ANXA4: variants seen among roughly 807,000 people sequenced by gnomAD.
The protein encoded by ANXA4 is 35-beta calcimedin.
ANXA4 carries 39 observed loss-of-function variants against 49.8 expected under a neutral mutation model. The observed-to-expected ratio is 0.78, with a 90% CI of 0.61 to 1.02. ANXA4 has a LOEUF of 1.02. Ranked by LOEUF, ANXA4 falls within the 50% of genes least tolerant of loss-of-function variation. The pLI, the probability that ANXA4 is intolerant of heterozygous loss-of-function variation, is 0.00. For synonymous variants in ANXA4, 134 were observed against 152.5 expected, an observed-to-expected ratio of 0.88 and a Z score of 0.89; for missense variants, 360 against 410.1, an observed-to-expected ratio of 0.88 and a Z score of 1.05.
chr2:69,644,743 T>A (rs1675935154), exon 1 of ANXA4: 1 of 152,244 alleles, frequency 6.6e-6, no homozygotes, highest in African/African-American at 2.4e-5. Flanking sequence ...TAAACTTCAC[T>A]AGCTCCCTTG....
At position 69,816,159 on chromosome 2, in the gene ANXA4, T is replaced by C; in HGVS notation, c.593T>C (p.Val198Ala). 1.2e-6 allele frequency: 2 copies of C among 1,614,180 alleles called. No homozygotes were observed. The highest frequency in any genetic ancestry group is 1.7e-6 in the Non-Finnish European group (2 of 1,180,000). ...ACAGATGAGGTGAAATTTCTAACTG[T>C]TCTCTGTTCCCGGAACCGAAATCAC... ...WGTDEVKFLT[V>A]LCSRNRNHLL... The change falls in exon 9 of 13, where the codon GTT becomes GCT. Residue 198 changes from valine (V) to alanine (A), a missense_variant. Val to Ala is a moderately conservative substitution (Grantham distance 64, BLOSUM62 0). Coordinates refer to ENST00000394295, the MANE Select transcript of ANXA4 (RefSeq NM_001153.5).
chr2:69,688,168 G>A (rs559104764), intron 2 of ANXA4, among the ~76,000 whole-genome samples: 1 of 152,114 alleles, frequency 6.6e-6, no homozygotes, highest in East Asian at 1.9e-4. Context: ...TTTGTTGAAG[G>A]TGCCGTGTTA....
At chr2:69,802,484 G>A (rs1483676077) in intron 3 of ANXA4, among the ~76,000 whole-genome samples, 1 of 151,930 alleles carries the variant, frequency 6.6e-6, no homozygotes, top group Non-Finnish European at 1.5e-5. Context: ...AGGCCTAGGT[G>A]GGCAGAGCAC....
At chr2:69,695,875 A>G (rs987776994) in intron 2 of ANXA4, among the ~76,000 whole-genome samples, 1 of 152,114 alleles carries the variant, frequency 6.6e-6, no homozygotes, top group African/African-American at 2.4e-5. Flanking sequence ...ACGTCTTAAA[A>G]AAGTATATAC....
chr2:69,823,722 A>C (rs1674343650), intron 12 of ANXA4, among the ~76,000 whole-genome samples: 1 of 152,224 alleles, frequency 6.6e-6, no homozygotes, highest in African/African-American at 2.4e-5. Flanking sequence ...TATAAATAAG[A>C]AACTTGAGGC....
At chr2:69,702,563 A>C (rs1246878294) in intron 2 of ANXA4, among the ~76,000 whole-genome samples, 3 of 151,930 alleles carry the variant, frequency 2.0e-5, no homozygotes, top group Non-Finnish European at 4.4e-5. Flanking sequence ...CTCTAAAAAA[A>C]ATTAACTGAG....
At chr2:69,783,295 A>AC (rs1672277263) in intron 2 of ANXA4, among the ~76,000 whole-genome samples, 1 of 151,894 alleles carries the variant, frequency 6.6e-6, no homozygotes, top group Admixed American at 6.6e-5. Flanking sequence ...TTGGCTCACT[A>AC]CCACCTCCGT....
At chr2:69,722,606 G>C (rs1185712604) in intron 3 of ANXA4, among the ~76,000 whole-genome samples, 1 of 151,934 alleles carries the variant, frequency 6.6e-6, no homozygotes, top group Non-Finnish European at 1.5e-5. Flanking sequence ...AGGTTACTAG[G>C]GTCTCGGGGG....
chr2:69,677,175 T>C (rs1224223757), intron 2 of ANXA4, among the ~76,000 whole-genome samples: 1 of 152,060 alleles, frequency 6.6e-6, no homozygotes, highest in African/African-American at 2.4e-5. Flanking sequence ...TCTCTTCTTT[T>C]CTTTGCTTAA....
At chr2:69,756,933 TA>T (rs140511493) in intron 1 of ANXA4, among the ~76,000 whole-genome samples, 9,465 of 115,224 alleles carry the variant, frequency 0.082, 441 homozygotes, top group African/African-American at 0.15. Flanking sequence ...AATTAATTAT[TA>T]TTTTTTTTTT....
intron 5 of ANXA4, among the ~76,000 whole-genome samples, chr2:69,807,451 A>C (rs926416207): frequency 6.6e-6 from 1 of 152,146 alleles, no homozygotes; most frequent in Admixed American, 6.6e-5. Flanking sequence ...TCTACTTAAA[A>C]ATTTTCAGTG....
At chr2:69,643,824 G>T (rs1340068155), upstream of ANXA4, 1 of 1,183,430 alleles carries the variant, frequency 8.5e-7, no homozygotes. Context: ...AGTGCCCCTC[G>T]GGGCGGCGCG....
intron 3 of ANXA4, among the ~76,000 whole-genome samples, 156 bp downstream of exon 3, chr2:69,788,297 T>C (rs1264758953): frequency 6.6e-6 from 1 of 152,132 alleles, no homozygotes; most frequent in East Asian, 1.9e-4. Flanking sequence ...CTCAGCACTT[T>C]GGGAGGCTGA....
intron 5 of ANXA4, among the ~76,000 whole-genome samples, chr2:69,807,375 T>A (rs1338989610): frequency 6.6e-6 from 1 of 152,202 alleles, no homozygotes; most frequent in African/African-American, 2.4e-5. Flanking sequence ...TGCCCTAGCC[T>A]GGTCTGCCAA....
intron 8 of ANXA4, among the ~76,000 whole-genome samples, chr2:69,813,163 T>A (rs1673783776): frequency 6.6e-6 from 1 of 152,202 alleles, no homozygotes; most frequent in Non-Finnish European, 1.5e-5. Context: ...AACCAACCCA[T>A]GGTCTAATCA....
At chr2:69,782,152 A>G (rs1672225935) in intron 2 of ANXA4, among the ~76,000 whole-genome samples, 1 of 152,190 alleles carries the variant, frequency 6.6e-6, no homozygotes, top group African/African-American at 2.4e-5. Flanking sequence ...GGCTGTACCT[A>G]AGGCTGGACA....
intron 3 of ANXA4, among the ~76,000 whole-genome samples, chr2:69,790,475 A>G (rs1185160674): frequency 6.6e-6 from 1 of 152,200 alleles, no homozygotes; most frequent in Non-Finnish European, 1.5e-5. Flanking sequence ...GAGGTTTAGA[A>G]TATAGGTTCT....
intron 3 of ANXA4, among the ~76,000 whole-genome samples, chr2:69,733,394 A>G (rs563218928): frequency 6.6e-6 from 1 of 152,298 alleles, no homozygotes; most frequent in African/African-American, 2.4e-5. Flanking sequence ...ACCTGAGCCC[A>G]GGAGTTTGAG....
intron 2 of ANXA4, among the ~76,000 whole-genome samples, chr2:69,658,729 C>G (rs916851469): frequency 2.6e-5 from 4 of 152,188 alleles, no homozygotes; most frequent in Admixed American, 2.0e-4. Flanking sequence ...GAGTCTCGCT[C>G]TGTCGCCCAG....
Sources: allele counts gnomAD v4.1 joint callset (sites outside exome capture counted in the v4.1 genomes callset), GRCh38; gene constraint gnomAD v4.1.1; transcripts MANE v1.5; gene names NCBI Gene and HGNC (gene_info 2026-07-23, HGNC 2026-07-21).